TAF3: variants seen among roughly 807,000 people sequenced by gnomAD.
TAF3 encodes transcription initiation factor TFIID subunit 3.
A neutral mutation model predicts 80.6 loss-of-function variants in TAF3; 7 were observed. The observed-to-expected ratio is 0.09, with a 90% confidence interval of 0.05 to 0.16. The LOEUF (loss-of-function observed/expected upper bound fraction) is 0.16, where lower values mean the gene tolerates loss of function less well. TAF3 is among the 10% of genes least tolerant of loss of function. The pLI is 1.00. For synonymous variants in TAF3, 444 were observed against 446.1 expected (o/e 1.00, Z 0.06); for missense variants, 921 against 1,140.2 (o/e 0.81, Z 2.77).
At chr10:7,826,111 C>T (rs1331985333) in intron 2 of TAF3, among the ~76,000 whole-genome samples, 1 of 152,110 alleles carries the variant, frequency 6.6e-6, no homozygotes, top group African/African-American at 2.4e-5. Context: ...AGGGTTGCCT[C>T]ATCTGAAAAA....
intron 2 of TAF3, among the ~76,000 whole-genome samples, chr10:7,870,360 T>C (rs1441407509): frequency 6.6e-6 from 1 of 152,252 alleles, no homozygotes; most frequent in Non-Finnish European, 1.5e-5. Context: ...CATCAGGATA[T>C]GTTCTCTCCA....
chr10:7,986,493 G>A (rs1265970904), intron 4 of TAF3, among the ~76,000 whole-genome samples: 1 of 152,206 alleles, frequency 6.6e-6, no homozygotes, highest in African/African-American at 2.4e-5. Context: ...ATAGAATTGG[G>A]AGATTTTCTT....
At chr10:7,835,294 C>T (rs1480622491) in intron 2 of TAF3, among the ~76,000 whole-genome samples, 1 of 150,272 alleles carries the variant, frequency 6.7e-6, no homozygotes, top group African/African-American at 2.5e-5. Flanking sequence ...CATTCAAAGC[C>T]GTCCTGGGCC....
chr10:7,846,845 G>A (rs1836977707), intron 2 of TAF3, among the ~76,000 whole-genome samples: 1 of 152,042 alleles, frequency 6.6e-6, no homozygotes, highest in Non-Finnish European at 1.5e-5. Flanking sequence ...AATAATAAGT[G>A]GAAGAATGAT....
At chr10:7,985,929 AC>A (rs1340485544) in intron 4 of TAF3, among the ~76,000 whole-genome samples, 1 of 151,472 alleles carries the variant, frequency 6.6e-6, no homozygotes, top group Non-Finnish European at 1.5e-5. Flanking sequence ...GACTATGGGC[AC>A]CCGCCCCCAC....
chr10:7,991,128 CAG>C (rs1488650981), intron 4 of TAF3, among the ~76,000 whole-genome samples: 2 of 152,002 alleles, frequency 1.3e-5, no homozygotes, highest in African/African-American at 4.8e-5. Context: ...CGTCTTGCCT[CAG>C]AGAAAATTTT....
At chr10:7,897,935 A>G (rs970510025) in intron 2 of TAF3, among the ~76,000 whole-genome samples, 14 of 152,094 alleles carry the variant, frequency 9.2e-5, no homozygotes, top group African/African-American at 3.4e-4. Context: ...TGCTGGGATT[A>G]TGGGCATGAG....
intron 2 of TAF3, among the ~76,000 whole-genome samples, chr10:7,915,195 C>T (rs1317398976): frequency 6.6e-6 from 1 of 151,366 alleles, no homozygotes; most frequent in Non-Finnish European, 1.5e-5. Context: ...CTGCCTCGGC[C>T]TCCCCAAGTG....
chr10:7,972,413 A>G (rs1831630377), intron 3 of TAF3, among the ~76,000 whole-genome samples: 1 of 152,208 alleles, frequency 6.6e-6, no homozygotes, highest in South Asian at 2.1e-4. Context: ...TAGGAATGAA[A>G]TAAAAGTATT....
Position 7,924,658 on chromosome 10 carries a change from A to T in TAF3, c.410-39262A>T, listed in dbSNP as rs146310092. 2.2e-3 allele frequency among the ~76,000 whole-genome samples: 334 copies of T among 152,260 alleles called. 2 individuals carry two copies. Among genetic ancestry groups the T allele is most frequent in the Middle Eastern group, 6.8e-3 (2 of 294 alleles). On this transcript the variant is annotated intron_variant, in intron 2 of 6. Coordinates refer to ENST00000344293, the MANE Select transcript of TAF3 (RefSeq NM_031923.4). ...GTGAACAAATATCCTTTAAAAATCT[A>T]TTCTTTTTTATTTTTAAATATGTGT...
chr10:7,824,243 ACTT>A, intron 1 of TAF3, 72 bp from the exon 2 acceptor site: 1 of 1,501,942 alleles, frequency 6.7e-7, no homozygotes, highest in Non-Finnish European at 9.0e-7. Flanking sequence ...TTTACTTACT[ACTT>A]TTTCTTAATA....
intron 2 of TAF3, among the ~76,000 whole-genome samples, chr10:7,915,743 T>C (rs1837706000): frequency 6.7e-6 from 1 of 148,238 alleles, no homozygotes; most frequent in African/African-American, 2.5e-5. Flanking sequence ...CTTTGGGAGG[T>C]TGAGGTGGGC....
chr10:8,008,092 CTTT>C (rs1162726965), intron 4 of TAF3, among the ~76,000 whole-genome samples: 6 of 106,032 alleles, frequency 5.7e-5, no homozygotes, highest in East Asian at 2.8e-4. Flanking sequence ...TGGGAACAAT[CTTT>C]TTTTTTTTTT....
At chr10:7,873,501 T>G (rs1020161351) in intron 2 of TAF3, among the ~76,000 whole-genome samples, 3 of 152,200 alleles carry the variant, frequency 2.0e-5, no homozygotes, top group Admixed American at 6.5e-5. Flanking sequence ...CTTTTATGCA[T>G]TAGTCACTGC....
intron 1 of TAF3, among the ~76,000 whole-genome samples, chr10:7,822,602 T>C (rs1302873697): frequency 3.3e-5 from 5 of 152,212 alleles, no homozygotes; most frequent in African/African-American, 4.8e-5. Context: ...AACCATTGGC[T>C]GAATATCCTT....
intron 2 of TAF3, among the ~76,000 whole-genome samples, chr10:7,893,387 T>C (rs1228039311): frequency 6.6e-6 from 1 of 152,240 alleles, no homozygotes; most frequent in Non-Finnish European, 1.5e-5. Flanking sequence ...GATACGTTGC[T>C]TTTAGGATCA....
intron 2 of TAF3, among the ~76,000 whole-genome samples, chr10:7,865,350 GC>G (rs1294459028): frequency 1.3e-5 from 2 of 152,068 alleles, no homozygotes; most frequent in Non-Finnish European, 2.9e-5. Context: ...ATGGTGGCGG[GC>G]GCCTGTAGTC....
At chr10:7,911,705 T>C (rs1837658364) in intron 2 of TAF3, among the ~76,000 whole-genome samples, 1 of 152,242 alleles carries the variant, frequency 6.6e-6, no homozygotes, top group Non-Finnish European at 1.5e-5. Context: ...AATTCTGATT[T>C]TGTTGCCAAC....
At chr10:7,883,352 G>C (rs895159616) in intron 2 of TAF3, among the ~76,000 whole-genome samples, 2 of 152,174 alleles carry the variant, frequency 1.3e-5, no homozygotes, top group Admixed American at 1.3e-4. Context: ...CAAATTCAGG[G>C]TGATTATTTT....
Sources: gnomAD v4.1 joint callset for allele counts (sites outside exome capture counted in the v4.1 genomes callset) on GRCh38, gnomAD v4.1.1 for gene constraint, MANE v1.5 for transcripts, NCBI Gene and HGNC (gene_info 2026-07-23, HGNC 2026-07-21) for gene names.